Variants in FXYD6 observed in about 807,000 individuals in gnomAD.
FXYD6 encodes FXYD domain containing ion transport regulator 6, also known as FXYD domain-containing ion transport regulator 6.
Under a neutral mutation model 16.7 loss-of-function variants are expected in FXYD6, and 7 were observed. The ratio of observed to expected loss-of-function variants is 0.42; its 90% CI spans 0.24 to 0.79. The LOEUF (loss-of-function observed/expected upper bound fraction) is 0.79. Among genes scored for constraint, FXYD6 ranks in the 30% least tolerant of loss-of-function variants. The pLI is 0.28. For synonymous variants in FXYD6, 49 were observed against 43.0 expected (o/e 1.14, Z -0.54); for missense variants, 111 against 116.2 (o/e 0.95, Z 0.21).
chr11:117,841,965 T>C (rs536389376), intron 3 of FXYD6, 25 bp downstream of exon 3: 1 of 1,614,152 alleles, frequency 6.2e-7, no homozygotes, highest in Non-Finnish European at 8.5e-7. Flanking sequence ...CCCTGACCCC[T>C]GCACCCAGGG....
chr11:117,873,183 A>G (rs542694186), intron 1 of FXYD6, among the ~76,000 whole-genome samples: 190 of 152,172 alleles, frequency 1.2e-3, no homozygotes, highest in African/African-American at 4.5e-3. Context: ...GTGAAAAGGA[A>G]ACTTTCTCCA....
chr11:117,868,415 T>C (rs527685880), intron 1 of FXYD6, among the ~76,000 whole-genome samples: 4 of 152,186 alleles, frequency 2.6e-5, no homozygotes, highest in South Asian at 4.2e-4. Flanking sequence ...CTAAAACCCA[T>C]CACTCCAGTC....
intron 1 of FXYD6, among the ~76,000 whole-genome samples, chr11:117,858,723 C>T (rs1447514151): frequency 7.3e-5 from 3 of 41,204 alleles, no homozygotes; most frequent in Non-Finnish European, 9.4e-5. Flanking sequence ...CTCCTTCCTT[C>T]CCTTCCTTCC....
At chr11:117,862,554 C>A (rs1017289028) in intron 1 of FXYD6, among the ~76,000 whole-genome samples, 4 of 152,208 alleles carry the variant, frequency 2.6e-5, no homozygotes, top group Non-Finnish European at 5.9e-5. Flanking sequence ...CCAGGAGCTG[C>A]GGCTATCCCA....
chr11:117,843,203 G>A (rs549964035), intron 1 of FXYD6, among the ~76,000 whole-genome samples: 1 of 152,318 alleles, frequency 6.6e-6, no homozygotes, highest in Non-Finnish European at 1.5e-5. Context: ...CCAAAGGGCT[G>A]GGATTATAGG....
intron 1 of FXYD6, among the ~76,000 whole-genome samples, chr11:117,853,648 T>C (rs768229955): frequency 4.6e-5 from 7 of 152,054 alleles, no homozygotes; most frequent in Non-Finnish European, 1.0e-4. Flanking sequence ...TGCACCACCA[T>C]GCCCAGCTAA....
intron 1 of FXYD6, among the ~76,000 whole-genome samples, chr11:117,856,795 G>C (rs1412138637): frequency 1.3e-5 from 2 of 152,198 alleles, no homozygotes; most frequent in Non-Finnish European, 2.9e-5. Context: ...TACAGTGATT[G>C]GGCTCCTGCT....
intron 1 of FXYD6, among the ~76,000 whole-genome samples, chr11:117,873,036 C>T (rs568858560): frequency 4.7e-4 from 71 of 152,156 alleles, no homozygotes; most frequent in African/African-American, 1.7e-3. Context: ...AAGAACCCCC[C>T]CCAACCGCCG....
At position 117,863,633 on chromosome 11, in the gene FXYD6, A is replaced by T. The variant is rs143103077; in HGVS notation, c.-6+12959T>A. ...GCCAGAGCAACTATGCAAAATAAAC[A>T]AATAAGTAAAAGGCATCCAAATTGG... is the stretch of plus-strand genomic sequence containing the variant. On this transcript the variant is annotated intron_variant, in intron 1 of 7. Transcript: ENST00000526014. 1.8e-4 allele frequency among the ~76,000 whole-genome samples: 28 copies of T among 152,364 alleles called. No homozygotes were observed. The East Asian group carries it at 5.0e-3, about 27-fold the overall frequency.
intron 1 of FXYD6, among the ~76,000 whole-genome samples, chr11:117,849,552 CTG>C (rs2056556002): frequency 6.8e-6 from 1 of 146,514 alleles, no homozygotes; most frequent in South Asian, 2.1e-4. Flanking sequence ...TTTTTTTTGA[CTG>C]TTTATCCTAC....
intron 1 of FXYD6, among the ~76,000 whole-genome samples, chr11:117,855,009 G>T (rs2056690512): frequency 6.6e-6 from 1 of 152,194 alleles, no homozygotes; most frequent in African/African-American, 2.4e-5. Context: ...AGCCTAGGAG[G>T]GGGCTGTGAC....
intron 1 of FXYD6, among the ~76,000 whole-genome samples, chr11:117,875,690 G>A (rs1362773644): frequency 6.6e-6 from 1 of 152,184 alleles, no homozygotes; most frequent in Admixed American, 6.5e-5. Flanking sequence ...GGAAGTAGTG[G>A]CAGAGAGCAC....
chr11:117,840,278 T>C (rs769418319), intron 6 of FXYD6, 41 bp downstream of exon 6: 1 of 1,613,340 alleles, frequency 6.2e-7, no homozygotes, highest in Non-Finnish European at 8.5e-7. Flanking sequence ...GGTCTCTCTG[T>C]TCCCTCTTTT....
At chr11:117,858,631 TTTTCTTTC>T (rs758256700) in intron 1 of FXYD6, among the ~76,000 whole-genome samples, 6,574 of 105,456 alleles carry the variant, frequency 0.062, 310 homozygotes, top group Middle Eastern at 0.12. Flanking sequence ...TCATTTTCTT[TTTTCTTTC>T]TTTCTTTCTT....
At chr11:117,858,683 CTTTCTT>C in intron 1 of FXYD6, among the ~76,000 whole-genome samples, 1 of 88,462 alleles carries the variant, frequency 1.1e-5, no homozygotes, top group Non-Finnish European at 2.1e-5. Flanking sequence ...TTCTTTCTTT[CTTTCTT>C]TCTTTCTTTC....
chr11:117,867,389 A>G (rs1265707504), intron 1 of FXYD6, among the ~76,000 whole-genome samples: 1 of 152,134 alleles, frequency 6.6e-6, no homozygotes, highest in Admixed American at 6.6e-5. Context: ...CCATGCTCGC[A>G]CTTGCAGTAT....
At chr11:117,850,357 G>C (rs2056578922) in intron 1 of FXYD6, among the ~76,000 whole-genome samples, 4 of 152,056 alleles carry the variant, frequency 2.6e-5, no homozygotes, top group Admixed American at 6.6e-5. Context: ...AACTGTTACT[G>C]TCCTCTGAGT....
rs2056329095 is a variant in FXYD6, at chr11:117,841,077, T to C, written c.209+71A>G. The C allele has an allele frequency of 6.3e-6, 10 of 1,586,524 alleles. No homozygotes were observed. The East Asian group carries it at 2.0e-4, about 32-fold the overall frequency. ...ATCCAAGAGAATGCCCATTTGGGGGTCACACACCAGGGGTCCCTTCCTGTC... is the reference window on the plus strand; with the variant it reads ...ATCCAAGAGAATGCCCATTTGGGGGCCACACACCAGGGGTCCCTTCCTGTC... On this transcript the variant is annotated intron_variant, in intron 5 of 7. Transcript: ENST00000526014.
intron 1 of FXYD6, among the ~76,000 whole-genome samples, chr11:117,867,488 C>G (rs747159446): frequency 2.6e-5 from 4 of 152,222 alleles, no homozygotes; most frequent in Non-Finnish European, 4.4e-5. Flanking sequence ...CTCCTCCTTC[C>G]CCTCTGTGCT....
Sources: gnomAD v4.1 joint callset for allele counts (sites outside exome capture counted in the v4.1 genomes callset) on GRCh38, gnomAD v4.1.1 for gene constraint, MANE v1.5 for transcripts, NCBI Gene and HGNC (gene_info 2026-07-23, HGNC 2026-07-21) for gene names.